PLBD2: variants seen among roughly 807,000 people sequenced by gnomAD.
PLBD2 encodes the protein putative aminopeptidase PLBD2.
A neutral mutation model predicts 68.3 loss-of-function variants in PLBD2; 51 were observed. The ratio of observed to expected loss-of-function variants is 0.75; its 90% CI spans 0.60 to 0.94. PLBD2 has a LOEUF of 0.94. Ranked by LOEUF, PLBD2 falls within the 40% of genes least tolerant of loss-of-function variation. PLBD2 has a pLI of 0.00. For synonymous variants in PLBD2, 314 were observed against 339.3 expected, an observed-to-expected ratio of 0.93 and a Z score of 0.82; for missense variants, 729 against 792.2, an observed-to-expected ratio of 0.92 and a Z score of 0.96.
At position 113,384,113 on chromosome 12, in the gene PLBD2, G is replaced by A; in HGVS notation, c.966G>A (p.Leu322=). 1 of 1,608,220 alleles carries A rather than the reference G, an allele frequency of 6.2e-7. No individual in the cohort carries two copies. ...CCTTGACCTTCCCACAGGTGACACT[G>A]GAGACCACCATTGGCAACAAGAACC... The part of the protein sequence containing the change: ...FYILGSGLVT[L]ETTIGNKNPA... Residue 322 remains leucine, a synonymous_variant, in exon 7 of 12, where the codon CTG becomes CTA. Coordinates refer to ENST00000280800, the MANE Select transcript of PLBD2 (RefSeq NM_173542.4). The surrounding 1 kb of genome is among the most constrained non-coding windows in gnomAD (Gnocchi z 4.2).
intron 11 of PLBD2, 110 bp downstream of exon 11, chr12:113,388,016 C>A: frequency 7.3e-7 from 1 of 1,363,086 alleles, no homozygotes; most frequent in Non-Finnish European, 1.0e-6. Flanking sequence ...GAATCACAGT[C>A]GGAATTGGGC....
rs201696709 is a variant in PLBD2 at position 113,380,712 on chromosome 12, G to A, written c.860-33G>A. The A allele has an allele frequency of 6.1e-3, 9,415 of 1,533,824 alleles. 37 individuals are homozygous for A. The highest frequency in any genetic ancestry group is 7.2e-3 in the Non-Finnish European group (8,174 of 1,136,822). On this transcript the variant is annotated intron_variant, in intron 5 of 11. Coordinates refer to ENST00000280800, the MANE Select transcript of PLBD2 (RefSeq NM_173542.4). ...CAGGGGCCTCCACCTGTGCCTGTCT[G>A]ACCAGCATCCCTGGCTCGCTCTGCC...
Position 113,382,830 on chromosome 12 carries a change from G to GTT in PLBD2, c.958-1270_958-1269dup, listed in dbSNP as rs1179441269. 1.7e-3 allele frequency among the ~76,000 whole-genome samples: 212 copies of GTT among 126,312 alleles called. 1 individual carries two copies. The highest frequency in any genetic ancestry group is 5.0e-3 in the Middle Eastern group (1 of 202). 82.9% of individuals were successfully genotyped at this position (126,312 alleles called of 152,430 possible). A position where few individuals can be genotyped will look rare whatever the true frequency, so the allele number is the denominator to read the frequency against. ...TTTGGTGGGGGTGGTGGTGGTGGTG[G>GTT]TTTTTTGTGTGTGTGTGTGTGTGTG... On this transcript the variant is annotated intron_variant, in intron 6 of 11. Coordinates refer to ENST00000280800, the MANE Select transcript of PLBD2 (RefSeq NM_173542.4).
At chr12:113,360,876 A>C (rs747492903) in intron 1 of PLBD2, among the ~76,000 whole-genome samples, 6 of 152,032 alleles carry the variant, frequency 3.9e-5, no homozygotes, top group Non-Finnish European at 8.8e-5. Context: ...GGCTGGTCTC[A>C]AACTCCTGAC....
intron 6 of PLBD2, 124 bp from the exon 7 acceptor site, chr12:113,383,981 A>T: frequency 1.2e-6 from 1 of 826,848 alleles, no homozygotes; most frequent in South Asian, 2.9e-5. Flanking sequence ...CCTGGGCAAG[A>T]GTGAGACTCT....
At chr12:113,374,223 C>T (rs1161607474) in intron 3 of PLBD2, among the ~76,000 whole-genome samples, 1 of 152,046 alleles carries the variant, frequency 6.6e-6, no homozygotes, top group Non-Finnish European at 1.5e-5. Context: ...TTGAACTAGG[C>T]TCTTAAGTGG....
intron 3 of PLBD2, among the ~76,000 whole-genome samples, chr12:113,373,982 C>CA (rs1187691388): frequency 6.6e-6 from 1 of 151,996 alleles, no homozygotes; most frequent in Non-Finnish European, 1.5e-5. Context: ...CCCACCCATC[C>CA]ATCTTGCAGA....
intron 1 of PLBD2, chr12:113,359,220 C>A: frequency 3.4e-6 from 1 of 295,994 alleles, no homozygotes; most frequent in Non-Finnish European, 6.3e-6. Flanking sequence ...ATTCTATCCT[C>A]ACGGGGACCT....
In PLBD2 at chr12:113,358,716, C is replaced by A; in HGVS notation, c.116C>A (p.Ala39Glu). 1 of 1,394,746 alleles carries A rather than the reference C, an allele frequency of 7.2e-7. No homozygotes were observed. The allele number at this position is 1,394,746 out of a possible 1,614,324, so 86.4% of individuals were successfully genotyped here. A position where few individuals can be genotyped will look rare whatever the true frequency, so the allele number is the denominator to read the frequency against. ...LLVGPFLSGL[A>E]GAIPAPGGRW... ...GTCGGGCCGTTCCTGAGCGGCCTGGCGGGGGCGATCCCAGCGCCGGGGGGC... is the reference window on the plus strand; with the variant it reads ...GTCGGGCCGTTCCTGAGCGGCCTGGAGGGGGCGATCCCAGCGCCGGGGGGC... The change falls in exon 1 of 12, where the codon GCG (alanine) becomes GAG (glutamate). Residue 39 changes from alanine to glutamate, a missense_variant. Physicochemically the swap from Ala to Glu is moderately radical, Grantham distance 107. Transcript: ENST00000280800.
Position 113,360,077 on chromosome 12 carries a change from A to G in PLBD2, c.290+1187A>G, listed in dbSNP as rs147504322. 3.9e-4 allele frequency among the ~76,000 whole-genome samples: 60 copies of G among 152,258 alleles called. 3 individuals carry two copies. The South Asian group carries it at 5.8e-3, about 15-fold the overall frequency. On this transcript the variant is annotated intron_variant, in intron 1 of 11. Transcript: ENST00000280800. ...GCATCCATTGGCTTCTGCAGGTGTT[A>G]GGGAGACACAGGATGCCGAGGACAC... is the stretch of plus-strand genomic sequence containing the variant.
rs1957526568 is a variant in PLBD2, at chr12:113,384,264, A to G, written c.1117A>G (p.Thr373Ala). Reference sequence around the variant, plus strand: ...CATCTTCAAGAGGTTCAACAGCGGCACGTGAGTGGGCTTCTGGCCCTGTGG... The same window carrying G: ...CATCTTCAAGAGGTTCAACAGCGGCGCGTGAGTGGGCTTCTGGCCCTGTGG... Reference protein sequence around the residue: ...ADIFKRFNSGTYNNQWMIVDY... With the variant: ...ADIFKRFNSGAYNNQWMIVDY... Residue 373 changes from threonine (T) to alanine (A), a missense_variant and splice_region_variant, in exon 7 of 12, where the codon ACG becomes GCG. Thr to Ala is a moderately conservative substitution (Grantham distance 58). Transcript: ENST00000280800. This position sits in a 1 kb window ranked among gnomAD's most constrained non-coding sequence, Gnocchi z 4.2. The G allele has an allele frequency of 1.9e-6, 3 of 1,609,006 alleles. No individual in the cohort carries two copies. The highest frequency in any genetic ancestry group is 2.5e-6 in the Non-Finnish European group (3 of 1,177,360).
At chr12:113,366,844 C>CA (rs1171159853) in intron 1 of PLBD2, among the ~76,000 whole-genome samples, 1 of 124,968 alleles carries the variant, frequency 8.0e-6, no homozygotes, top group Non-Finnish European at 1.7e-5. Flanking sequence ...TTTTTCTAGA[C>CA]AGAGTCATGC....
rs1210609834 is a variant in PLBD2 at position 113,387,922 on chromosome 12, T to A, written c.1602+16T>A. On this transcript the variant is annotated intron_variant, in intron 11 of 11. Transcript: ENST00000280800. ...CGATGTGAAGGTGCTGCCTCCTCCC[T>A]AGGGCCTGAGCTGTGGGTGGGGGAA... 2 of 1,613,310 alleles carry A rather than the reference T, an allele frequency of 1.2e-6. No homozygotes were observed. The highest frequency in any genetic ancestry group is 1.7e-6 in the Non-Finnish European group (2 of 1,179,478).
chr12:113,371,549 T>C (rs746201304), intron 2 of PLBD2, among the ~76,000 whole-genome samples: 1 of 152,216 alleles, frequency 6.6e-6, no homozygotes, highest in Non-Finnish European at 1.5e-5. Flanking sequence ...AGGGCTGTTG[T>C]GGGTGCTCAG....
chr12:113,380,773 G>A lies in PLBD2; in HGVS notation c.888G>A (p.Lys296=). The change falls in exon 6 of 12, where the codon AAG becomes AAA. Residue 296 remains lysine, a synonymous_variant. Coordinates refer to ENST00000280800, the MANE Select transcript of PLBD2 (RefSeq NM_173542.4). The part of the protein sequence containing the change: ...WGDYPLVPGN[K]LVFSSYPGTI... ...ACTACCCGCTGGTTCCCGGCAACAA[G>A]CTGGTCTTCTCCTCCTACCCCGGCA... 1.3e-6 allele frequency: 2 copies of A among 1,553,994 alleles called. No individual in the cohort carries two copies. Among genetic ancestry groups the A allele is most frequent in the East Asian group, 2.4e-5 (1 of 41,422 alleles).
rs918886319 is a variant in PLBD2 at position 113,391,515 on chromosome 12, T to C, written c.*2889T>C. The C allele has an allele frequency of 1.3e-5, 2 of 152,246 alleles. No homozygotes were observed. Among genetic ancestry groups the C allele is most frequent in the Non-Finnish European group, 2.9e-5 (2 of 68,044 alleles). 9.4% of individuals were successfully genotyped at this position (152,246 alleles called of 1,614,324 possible). A position where few individuals can be genotyped will look rare whatever the true frequency, so the allele number is the denominator to read the frequency against. ...AAAGGGACAGAAGCATTCCTGCTCTTGTGAAGTTTACATTGACTAGATAGT... is the reference window on the plus strand; with the variant it reads ...AAAGGGACAGAAGCATTCCTGCTCTCGTGAAGTTTACATTGACTAGATAGT... On this transcript the variant is annotated 3_prime_UTR_variant, in exon 12 of 12. Transcript: ENST00000280800.
Position 113,390,905 on chromosome 12 carries a change from C to G in PLBD2, c.*2279C>G, listed in dbSNP as rs1291625098. On this transcript the variant is annotated 3_prime_UTR_variant, in exon 12 of 12. Transcript: ENST00000280800. ...TTCATCCATCCACCCACCCACCCGTCCATCCACCTACCTATTCATTTATCA... is the reference window on the plus strand; with the variant it reads ...TTCATCCATCCACCCACCCACCCGTGCATCCACCTACCTATTCATTTATCA... 3.3e-5 allele frequency: 5 copies of G among 152,220 alleles called. No individual in the cohort carries two copies. Among genetic ancestry groups the G allele is most frequent in the African/African-American group, 9.6e-5 (4 of 41,458 alleles). 9.4% of individuals were successfully genotyped at this position (152,220 alleles called of 1,614,324 possible).
At chr12:113,361,355 T>TC (rs1290911182) in intron 1 of PLBD2, among the ~76,000 whole-genome samples, 3 of 148,888 alleles carry the variant, frequency 2.0e-5, no homozygotes, top group Non-Finnish European at 4.5e-5. Flanking sequence ...TTTTTTTTTT[T>TC]TTGAGACAGG....
At chr12:113,385,745 G>T (rs1957545031) in intron 9 of PLBD2, among the ~76,000 whole-genome samples, 4 of 152,164 alleles carry the variant, frequency 2.6e-5, no homozygotes, top group Non-Finnish European at 5.9e-5. Flanking sequence ...GTGAAGGCAG[G>T]ATTTGTTTTT....
Sources: gnomAD v4.1 joint callset for allele counts (sites outside exome capture counted in the v4.1 genomes callset) on GRCh38, gnomAD v4.1.1 for gene constraint, Gnocchi (gnomAD v3.1) non-coding constraint, MANE v1.5 for transcripts, NCBI Gene and HGNC (gene_info 2026-07-23, HGNC 2026-07-21) for gene names.